DESI2: variants seen among roughly 807,000 people sequenced by gnomAD.
DESI2 encodes deubiquitinase DESI2.
In DESI2, 10 loss-of-function variants were observed where a neutral mutation model predicts 24.1. The observed-to-expected ratio is 0.41, with a 90% CI of 0.26 to 0.70. The LOEUF is 0.70. Among genes scored for constraint, DESI2 ranks in the 30% least tolerant of loss-of-function variants. The probability of loss-of-function intolerance (pLI) is 0.29; values close to 1 mark genes in which losing one functional copy is unlikely to be tolerated. For missense variants in DESI2, 122 were observed against 234.9 expected, an observed-to-expected ratio of 0.52 and a Z score of 3.14; for synonymous variants, 71 against 87.7, an observed-to-expected ratio of 0.81 and a Z score of 1.06.
chr1:244,677,420 G>T (rs1289390869), intron 1 of DESI2, among the ~76,000 whole-genome samples: 4 of 152,158 alleles, frequency 2.6e-5, no homozygotes, highest in African/African-American at 9.7e-5. Context: ...CCAGTAAATA[G>T]ATCGCTACTT....
chr1:244,677,695 G>A (rs971147439), intron 1 of DESI2, among the ~76,000 whole-genome samples: 4 of 152,108 alleles, frequency 2.6e-5, no homozygotes, highest in African/African-American at 9.7e-5. Context: ...TGGGAGGATT[G>A]CTTGAGGCCA....
chr1:244,671,891 C>G (rs565159811), intron 1 of DESI2, among the ~76,000 whole-genome samples: 377 of 152,306 alleles, frequency 2.5e-3, no homozygotes, highest in African/African-American at 8.1e-3. Context: ...TTGAGAAATT[C>G]TCTTGACCTG....
At chr1:244,700,983 G>C (rs1007914710) in intron 4 of DESI2, among the ~76,000 whole-genome samples, 2 of 152,142 alleles carry the variant, frequency 1.3e-5, no homozygotes, top group Admixed American at 1.3e-4. Context: ...ATTTAGCTGA[G>C]GAGATTTCCA....
intron 1 of DESI2, among the ~76,000 whole-genome samples, chr1:244,676,749 A>C (rs1046737831): frequency 6.7e-6 from 1 of 148,626 alleles, no homozygotes; most frequent in Non-Finnish European, 1.5e-5. Context: ...AGTTTATTGA[A>C]TAGATTTTAA....
At chr1:244,682,463 A>G (rs1364596117) in intron 1 of DESI2, among the ~76,000 whole-genome samples, 1 of 152,232 alleles carries the variant, frequency 6.6e-6, no homozygotes, top group Non-Finnish European at 1.5e-5. Context: ...TTCAAATGTC[A>G]AAACTATATA....
At chr1:244,653,729 C>G (rs1054633953) in intron 1 of DESI2, 1 of 361,916 alleles carries the variant, frequency 2.8e-6, no homozygotes, top group Non-Finnish European at 5.2e-6. Flanking sequence ...CCGGGACCCC[C>G]GTCCCGACCG....
intron 4 of DESI2, among the ~76,000 whole-genome samples, chr1:244,704,870 G>A (rs1229694916): frequency 6.6e-6 from 1 of 152,170 alleles, no homozygotes; most frequent in Non-Finnish European, 1.5e-5. Context: ...ATACTGGCCA[G>A]GCTGGTCTCG....
chr1:244,698,589 G>A (rs957315136), intron 4 of DESI2, among the ~76,000 whole-genome samples: 1 of 152,230 alleles, frequency 6.6e-6, no homozygotes, highest in Non-Finnish European at 1.5e-5. Context: ...TGAATTCATA[G>A]ATCCTAGTTG....
At chr1:244,704,444 C>CG (rs1424200671) in intron 4 of DESI2, among the ~76,000 whole-genome samples, 2 of 151,834 alleles carry the variant, frequency 1.3e-5, no homozygotes, top group African/African-American at 4.8e-5. Context: ...GAAATAGGAG[C>CG]GGGGGGAAGG....
intron 1 of DESI2, among the ~76,000 whole-genome samples, chr1:244,665,097 A>G (rs1297456233): frequency 6.6e-6 from 1 of 152,094 alleles, no homozygotes; most frequent in Non-Finnish European, 1.5e-5. Context: ...TAGATGTTGA[A>G]TTATACTAGT....
At chr1:244,682,118 A>G (rs1676636734) in intron 1 of DESI2, among the ~76,000 whole-genome samples, 1 of 152,180 alleles carries the variant, frequency 6.6e-6, no homozygotes, top group Admixed American at 6.5e-5. Flanking sequence ...AGCAGCAGCA[A>G]GATTTACTGT....
chr1:244,703,362 T>G (rs1422366003), intron 4 of DESI2, among the ~76,000 whole-genome samples: 1 of 151,972 alleles, frequency 6.6e-6, no homozygotes, highest in Non-Finnish European at 1.5e-5. Flanking sequence ...CTTTTTTGTT[T>G]GTTTTGTTTT....
intron 4 of DESI2, among the ~76,000 whole-genome samples, chr1:244,700,488 C>A (rs1344464912): frequency 6.6e-6 from 1 of 152,094 alleles, no homozygotes; most frequent in Non-Finnish European, 1.5e-5. Context: ...TCTGGTATGA[C>A]AAGATATTCC....
intron 1 of DESI2, among the ~76,000 whole-genome samples, chr1:244,684,670 G>A (rs1465726087): frequency 6.6e-6 from 1 of 151,604 alleles, no homozygotes. Context: ...TAATATGAAT[G>A]TACCATAATT....
At chr1:244,664,153 G>C (rs999633704) in intron 1 of DESI2, among the ~76,000 whole-genome samples, 3 of 152,070 alleles carry the variant, frequency 2.0e-5, no homozygotes, top group Non-Finnish European at 2.9e-5. Context: ...AACAGGGCCA[G>C]TGTCCAGAAT....
chr1:244,690,933 T>G (rs2148809403), intron 3 of DESI2, among the ~76,000 whole-genome samples: 1 of 152,352 alleles, frequency 6.6e-6, no homozygotes, highest in East Asian at 1.9e-4. Flanking sequence ...GATACCATCC[T>G]GAATCCACTC....
chr1:244,692,925 C>T (rs899364702), intron 4 of DESI2, among the ~76,000 whole-genome samples: 14 of 152,128 alleles, frequency 9.2e-5, no homozygotes, highest in Admixed American at 8.5e-4. Context: ...CTCATATGAA[C>T]GTGAAGGTTC....
intron 1 of DESI2, among the ~76,000 whole-genome samples, chr1:244,658,016 A>G (rs551702410): frequency 3.4e-4 from 52 of 152,288 alleles, no homozygotes; most frequent in African/African-American, 1.1e-3. Flanking sequence ...ATGGGAACCT[A>G]TGATGTCTGT....
chr1:244,679,039 CT>C (rs1676509436), intron 1 of DESI2, among the ~76,000 whole-genome samples: 1 of 151,810 alleles, frequency 6.6e-6, no homozygotes, highest in South Asian at 2.1e-4. Flanking sequence ...CTCTTTTTCT[CT>C]TTTTTTCTTT....
Sources: allele counts gnomAD v4.1 joint callset (sites outside exome capture counted in the v4.1 genomes callset), GRCh38; gene constraint gnomAD v4.1.1; transcripts MANE v1.5; gene names NCBI Gene and HGNC (gene_info 2026-07-23, HGNC 2026-07-21).